Variants in HNRNPC observed in about 807,000 individuals in gnomAD.
The protein encoded by HNRNPC is heterogeneous nuclear ribonucleoprotein C, also known as heterogeneous nuclear ribonucleoproteins C1/C2.
In HNRNPC, 3 loss-of-function variants were observed where a neutral mutation model predicts 33.2. The ratio of observed to expected loss-of-function variants is 0.09; its 90% CI spans 0.04 to 0.23. The LOEUF (loss-of-function observed/expected upper bound fraction) is 0.23. Ranked by LOEUF, HNRNPC falls within the 10% of genes least tolerant of loss-of-function variation. HNRNPC has a pLI of 1.00. For synonymous variants in HNRNPC, 121 were observed against 126.7 expected, an observed-to-expected ratio of 0.96 and a Z score of 0.30; for missense variants, 143 against 366.7, an observed-to-expected ratio of 0.39 and a Z score of 4.98.
chr14:21,232,180 TCTC>T (rs566885093), intron 3 of HNRNPC, among the ~76,000 whole-genome samples: 5 of 152,208 alleles, frequency 3.3e-5, no homozygotes, highest in South Asian at 2.1e-4. Flanking sequence ...GAATTTATCT[TCTC>T]CTTGTTCTAA....
chr14:21,249,593 C>CAAAAAAAAAAAA (rs756880620), intron 2 of HNRNPC, among the ~76,000 whole-genome samples: 68 of 83,318 alleles, frequency 8.2e-4, no homozygotes, highest in Admixed American at 2.1e-3. Context: ...GTCTCAAAAA[C>CAAAAAAAAAAAA]AAAAAAAAAA....
chr14:21,251,660 C>A lies in HNRNPC; in HGVS notation c.-37+11651G>T, dbSNP rs548193149. On this transcript the variant is annotated intron_variant, in intron 2 of 8. Coordinates refer to ENST00000553300, the MANE Select transcript of HNRNPC (RefSeq NM_004500.4). The stretch of plus-strand genomic sequence containing the variant: ...CTGCGCCGCTGCACTCCAGCCTGGG[C>A]AACAGAGACTCCGTCTCAAAAAAAA... 2.0e-5 allele frequency among the ~76,000 whole-genome samples: 3 copies of A among 151,904 alleles called. No homozygotes were observed. The South Asian group carries it at 6.2e-4, about 32-fold the overall frequency.
chr14:21,267,220 TA>T (rs573982835), intron 1 of HNRNPC, among the ~76,000 whole-genome samples: 2 of 151,630 alleles, frequency 1.3e-5, no homozygotes, highest in East Asian at 1.9e-4. Flanking sequence ...AAATAGGTTT[TA>T]AAAAAAAGTC....
intron 5 of HNRNPC, among the ~76,000 whole-genome samples, chr14:21,227,029 A>G (rs1893547494): frequency 6.6e-6 from 1 of 152,130 alleles, no homozygotes; most frequent in South Asian, 2.1e-4. Context: ...ACCATTTAAA[A>G]TAAAAATCTA....
chr14:21,239,299 A>T (rs1895077731), intron 2 of HNRNPC, among the ~76,000 whole-genome samples: 1 of 151,620 alleles, frequency 6.6e-6, no homozygotes, highest in African/African-American at 2.4e-5. Context: ...TAACATGGTG[A>T]AACACCATCT....
At position 21,230,582 on chromosome 14, in the gene HNRNPC, C is replaced by T. The variant is rs139764477; in HGVS notation, c.318-216G>A. 6.5e-4 allele frequency: 352 copies of T among 543,346 alleles called. 1 individual carries two copies. Among genetic ancestry groups the T allele is most frequent in the African/African-American group, 6.1e-3 (322 of 52,388 alleles). The allele number at this position is 543,346 out of a possible 1,614,324, so 33.7% of individuals were successfully genotyped here. On this transcript the variant is annotated intron_variant, in intron 4 of 8. Coordinates refer to ENST00000553300, the MANE Select transcript of HNRNPC (RefSeq NM_004500.4). ...CAAATTGGAAATTCAGGTTAAAATT[C>T]GCTAAGATTTCCACATACGACATAG...
intron 2 of HNRNPC, among the ~76,000 whole-genome samples, chr14:21,243,770 T>C (rs1895634638): frequency 6.6e-6 from 1 of 152,196 alleles, no homozygotes; most frequent in Non-Finnish European, 1.5e-5. Context: ...TGGAACTGAA[T>C]CTTTTATATA....
chr14:21,246,167 C>CA (rs933706776), intron 2 of HNRNPC, among the ~76,000 whole-genome samples: 40 of 152,124 alleles, frequency 2.6e-4, no homozygotes, highest in Admixed American at 1.2e-3. Flanking sequence ...TGTGGTCTGT[C>CA]ATTCACCAAA....
chr14:21,231,133 A>C (rs1451789941), intron 3 of HNRNPC, 61 bp from the exon 4 acceptor site: 1 of 1,507,004 alleles, frequency 6.6e-7, no homozygotes, highest in Non-Finnish European at 9.2e-7. Context: ...CAAACTACAA[A>C]GTTTATTTTT....
rs766124241 is a variant in HNRNPC at position 21,213,062 on chromosome 14, C to T, written c.421G>A (p.Val141Met). 13 of 1,613,922 alleles carry T rather than the reference C, an allele frequency of 8.1e-6. 1 individual carries two copies. The South Asian group carries it at 1.4e-4, about 18-fold the overall frequency. Residue 141 changes from valine to methionine, a missense_variant, in exon 6 of 9, where the codon GTG (valine) becomes ATG (methionine). Val to Met is a conservative substitution (Grantham distance 21). Transcript: ENST00000553300. ...PPPPPIARAV[V>M]PSKRQRVSGN... Reference sequence around the variant, plus strand: ...GATACACGCTGACGTTTCGAGGGCACTACAGCCCGAGCAATAGGAGGAGGA... The same window carrying T: ...GATACACGCTGACGTTTCGAGGGCATTACAGCCCGAGCAATAGGAGGAGGA...
chr14:21,219,747 C>CT (rs760965352), intron 5 of HNRNPC, among the ~76,000 whole-genome samples: 1 of 152,164 alleles, frequency 6.6e-6, no homozygotes, highest in Non-Finnish European at 1.5e-5. Context: ...TTTATAAACT[C>CT]TAAGCAGATG....
At chr14:21,261,657 G>T (rs950273323) in intron 2 of HNRNPC, among the ~76,000 whole-genome samples, 1 of 152,132 alleles carries the variant, frequency 6.6e-6, no homozygotes, top group East Asian at 1.9e-4. Flanking sequence ...CACTTTGGGG[G>T]TGTCAAGGCA....
chr14:21,218,803 C>A (rs1892514706), intron 5 of HNRNPC, among the ~76,000 whole-genome samples: 1 of 148,780 alleles, frequency 6.7e-6, no homozygotes, highest in Non-Finnish European at 1.5e-5. Context: ...AGTTCAAGAC[C>A]AGCCTGTGAG....
intron 2 of HNRNPC, among the ~76,000 whole-genome samples, chr14:21,257,510 CCA>C (rs1566643439): frequency 6.6e-6 from 1 of 151,532 alleles, no homozygotes; most frequent in African/African-American, 2.4e-5. Flanking sequence ...TCTTTTTTAA[CCA>C]CAAATAATTT....
At chr14:21,256,846 G>A (rs1877305143) in intron 2 of HNRNPC, among the ~76,000 whole-genome samples, 1 of 152,056 alleles carries the variant, frequency 6.6e-6, no homozygotes, top group Admixed American at 6.5e-5. Context: ...AAGAGACAGG[G>A]TTTCACCATG....
At chr14:21,268,395 T>G (rs994455357) in intron 1 of HNRNPC, among the ~76,000 whole-genome samples, 1 of 152,328 alleles carries the variant, frequency 6.6e-6, no homozygotes, top group South Asian at 2.1e-4. Context: ...TAAGCGCAAT[T>G]TGGGAATTTC....
chr14:21,251,005 TA>T (rs1452461145), intron 2 of HNRNPC, among the ~76,000 whole-genome samples: 2 of 152,162 alleles, frequency 1.3e-5, no homozygotes, highest in African/African-American at 4.8e-5. Flanking sequence ...CTCACGCCTG[TA>T]ATCCCAGCAC....
At chr14:21,229,240 A>T (rs1046556477) in intron 5 of HNRNPC, among the ~76,000 whole-genome samples, 2 of 151,780 alleles carry the variant, frequency 1.3e-5, no homozygotes, top group Non-Finnish European at 2.9e-5. Flanking sequence ...AATACAAAAA[A>T]TTAGCCGGGT....
intron 2 of HNRNPC, among the ~76,000 whole-genome samples, chr14:21,249,540 C>G (rs1250237425): frequency 6.8e-6 from 1 of 147,356 alleles, no homozygotes; most frequent in Non-Finnish European, 1.5e-5. Context: ...GAGCCTAGAT[C>G]TCGCCACTGC....
Sources: gnomAD v4.1 joint callset for allele counts (sites outside exome capture counted in the v4.1 genomes callset) on GRCh38, gnomAD v4.1.1 for gene constraint, MANE v1.5 for transcripts, NCBI Gene and HGNC (gene_info 2026-07-23, HGNC 2026-07-21) for gene names.